Variants in ACSL1 observed in about 807,000 individuals in gnomAD.
ACSL1 encodes long-chain-fatty-acid--CoA ligase 1.
A neutral mutation model predicts 98.4 loss-of-function variants in ACSL1; 41 were observed. That is an observed-to-expected ratio of 0.42 (90% CI 0.32 to 0.54). The LOEUF (loss-of-function observed/expected upper bound fraction) is 0.54. Ranked by LOEUF, ACSL1 falls within the 20% of genes least tolerant of loss-of-function variation. The pLI is 0.13. For missense variants in ACSL1, 734 were observed against 883.1 expected (o/e 0.83, Z 2.14); for synonymous variants, 316 against 322.7 (o/e 0.98, Z 0.22).
intron 2 of ACSL1, among the ~76,000 whole-genome samples, chr4:184,793,309 A>G (rs1217548899): frequency 3.9e-5 from 6 of 151,930 alleles, no homozygotes; most frequent in Admixed American, 3.3e-4. Flanking sequence ...CAGTCTCCCC[A>G]CAAGGGCTGA....
intron 1 of ACSL1, chr4:184,821,364 C>T (rs1010083051): frequency 4.1e-5 from 11 of 268,690 alleles, no homozygotes; most frequent in Non-Finnish European, 6.9e-5. Context: ...GGGGAAAGTG[C>T]CCATTTCTAT....
In ACSL1 at chr4:184,773,149, G is replaced by A; in HGVS notation, c.847C>T (p.Pro283Ser). The A allele has an allele frequency of 6.2e-7, 1 of 1,613,514 alleles. No homozygotes were observed. The highest frequency in any genetic ancestry group is 8.5e-7 in the Non-Finnish European group (1 of 1,179,486). The change falls in exon 10 of 21, where the codon CCC (proline) becomes TCC (serine). Residue 283 changes from proline (P) to serine (S), a missense_variant. Transcript: ENST00000281455. The surrounding 1 kb of genome is among the most constrained non-coding windows in gnomAD (Gnocchi z 4.3). Reference protein sequence around the residue: ...ICFTSGTTGNPKGAMVTHRNI... With the variant: ...ICFTSGTTGNSKGAMVTHRNI... ...CGGTGAGTGACCATTGCTCCTTTGG[G>A]GTTGCCTGTGGAGCACATATGAAGC...
chr4:184,786,610 G>A (rs569211030), intron 3 of ACSL1, among the ~76,000 whole-genome samples: 1 of 152,060 alleles, frequency 6.6e-6, no homozygotes, highest in East Asian at 1.9e-4. Flanking sequence ...CTTAATGCAC[G>A]TGCTATGGGA....
chr4:184,799,869 C>T (rs1770165800), intron 2 of ACSL1, among the ~76,000 whole-genome samples: 1 of 152,074 alleles, frequency 6.6e-6, no homozygotes, highest in Non-Finnish European at 1.5e-5. Context: ...AACAAACAAA[C>T]AAGCCTGCTC....
Position 184,765,832 on chromosome 4 carries a change from G to A in ACSL1, c.1359+59C>T. 4 of 1,472,454 alleles carry A rather than the reference G, an allele frequency of 2.7e-6. No individual in the cohort carries two copies. In the Admixed American group the frequency reaches 5.4e-5, roughly 20 times the overall value. The allele number at this position is 1,472,454 out of a possible 1,614,324, so 91.2% of individuals were successfully genotyped here. ...ACACACAGTACAGATGACTTTTGGT[G>A]CAGAAGAGGACTGGGCATCCTAGTG... On this transcript the variant is annotated intron_variant, in intron 14 of 20. Transcript: ENST00000281455.
chr4:184,768,315 C>T lies in ACSL1; in HGVS notation c.1128+1G>A. On this transcript the variant is annotated splice_donor_variant, in intron 12 of 20. Transcript: ENST00000281455. LOFTEE classifies it high-confidence loss of function. ...CTGGGACTTCGCTGCTTGGAACTTA[C>T]TCGGTCAAACATCCGGTTCAGCAGT... 1 of 1,611,304 alleles carries T rather than the reference C, an allele frequency of 6.2e-7. No individual in the cohort carries two copies. Among genetic ancestry groups the T allele is most frequent in the Non-Finnish European group, 8.5e-7 (1 of 1,179,358 alleles).
At chr4:184,762,630 A>C (rs1763020309) in intron 16 of ACSL1, 107 bp from the exon 17 acceptor site, 1 of 975,934 alleles carries the variant, frequency 1.0e-6, no homozygotes. Flanking sequence ...TTTAGCTGGA[A>C]GCCCTAAACT....
At position 184,757,905 on chromosome 4, in the gene ACSL1, T is replaced by C; in HGVS notation, c.1798A>G (p.Ile600Val). The change falls in exon 19 of 21, where the codon ATT (isoleucine) becomes GTT (valine). Residue 600 changes from isoleucine (I) to valine (V), a missense_variant. Coordinates refer to ENST00000281455, the MANE Select transcript of ACSL1 (RefSeq NM_001995.5). The surrounding 1 kb of genome is among the most constrained non-coding windows in gnomAD (Gnocchi z 4.5). Reference sequence around the variant, plus strand: ...AATGTCTCAACATCTGGTACCACAATTGCAATGAGAAATGCCTTTAACACA... The same window carrying C: ...AATGTCTCAACATCTGGTACCACAACTGCAATGAGAAATGCCTTTAACACA... ...GESLQAFLIA[I>V]VVPDVETLCS... The C allele has an allele frequency of 2.5e-6, 4 of 1,614,126 alleles. No individual in the cohort carries two copies. Among genetic ancestry groups the C allele is most frequent in the Admixed American group, 3.3e-5 (2 of 60,024 alleles).
rs962836439 is a variant in ACSL1 at position 184,819,349 on chromosome 4, T to C, written c.-33+6567A>G. On this transcript the variant is annotated intron_variant, in intron 1 of 20. Transcript: ENST00000281455. ...GCAGAGACAGGGTTTCACCATGTTG[T>C]CCAGGCTGGTCTCGAACTCCTGACC... Among the ~76,000 whole-genome samples, 8 of 151,936 alleles carry C rather than the reference T, an allele frequency of 5.3e-5. No individual in the cohort carries two copies. The East Asian group carries it at 1.2e-3, about 22-fold the overall frequency.
At chr4:184,772,134 G>T (rs571161646) in intron 10 of ACSL1, among the ~76,000 whole-genome samples, 2 of 152,274 alleles carry the variant, frequency 1.3e-5, no homozygotes, top group South Asian at 2.1e-4. Flanking sequence ...AGCCACCAAT[G>T]CATTTTAAGT....
intron 2 of ACSL1, among the ~76,000 whole-genome samples, chr4:184,791,869 A>G (rs1173603850): frequency 1.3e-5 from 2 of 152,100 alleles, no homozygotes; most frequent in African/African-American, 4.8e-5. Flanking sequence ...AATCAAATAG[A>G]AGACTGGGTA....
At chr4:184,801,312 C>T (rs1034595448) in intron 2 of ACSL1, among the ~76,000 whole-genome samples, 1 of 152,146 alleles carries the variant, frequency 6.6e-6, no homozygotes, top group African/African-American at 2.4e-5. Context: ...TTTTAGTATC[C>T]GTGTAAACTT....
rs1449161209 is a variant in ACSL1, at chr4:184,773,208, G to A, written c.842-54C>T. 19 of 1,526,440 alleles carry A rather than the reference G, an allele frequency of 1.2e-5. No homozygotes were observed. The highest frequency in any genetic ancestry group is 6.8e-5 in the African/African-American group (5 of 73,024). The allele number at this position is 1,526,440 out of a possible 1,614,324, so 94.6% of individuals were successfully genotyped here. ...GTTAAAGAATGACAGAAATGAAGGA[G>A]GCCCAGAAACCTCACATAATTAGGG... On this transcript the variant is annotated intron_variant, in intron 9 of 20. Coordinates refer to ENST00000281455, the MANE Select transcript of ACSL1 (RefSeq NM_001995.5). This position sits in a 1 kb window ranked among gnomAD's most constrained non-coding sequence, Gnocchi z 4.3.
intron 14 of ACSL1, 83 bp downstream of exon 14, chr4:184,765,808 C>G: frequency 8.5e-7 from 1 of 1,178,798 alleles, no homozygotes; most frequent in Non-Finnish European, 1.2e-6. Flanking sequence ...CACACACACA[C>G]ACACAGTACA....
At chr4:184,822,841 C>G (rs1375707196) in intron 1 of ACSL1, among the ~76,000 whole-genome samples, 1 of 152,132 alleles carries the variant, frequency 6.6e-6, no homozygotes, top group Non-Finnish European at 1.5e-5. Flanking sequence ...ATATACAACC[C>G]AAGGCTTGCC....
intron 1 of ACSL1, among the ~76,000 whole-genome samples, chr4:184,810,317 G>C (rs772836002): frequency 6.6e-6 from 1 of 152,198 alleles, no homozygotes; most frequent in African/African-American, 2.4e-5. Flanking sequence ...CTCTCTCCCC[G>C]AGGCTGTTCC....
Position 184,797,792 on chromosome 4 carries a change from T to C in ACSL1, c.195+5528A>G, listed in dbSNP as rs1769705230. On this transcript the variant is annotated intron_variant, in intron 2 of 20. Coordinates refer to ENST00000281455, the MANE Select transcript of ACSL1 (RefSeq NM_001995.5). ...TACTTCCTGCTGGCCTGGAGCTCCC[T>C]GAGGGCAGCAGCCTTCTCTGCCCTG... Among the ~76,000 whole-genome samples, 5 of 152,286 alleles carry C rather than the reference T, an allele frequency of 3.3e-5. No homozygotes were observed. In the South Asian group the frequency reaches 1.0e-3, roughly 32 times the overall value.
At chr4:184,805,902 G>A (rs1007446387) in intron 1 of ACSL1, 2 of 152,158 alleles carry the variant, frequency 1.3e-5, no homozygotes, top group African/African-American at 2.4e-5. Context: ...AAGAGACAAC[G>A]GGCATATATT....
At chr4:184,801,424 A>G (rs1191805737) in intron 2 of ACSL1, among the ~76,000 whole-genome samples, 1 of 152,204 alleles carries the variant, frequency 6.6e-6, no homozygotes, top group Non-Finnish European at 1.5e-5. Context: ...AAGTAGGAAC[A>G]CAGCAACAAT....
Sources: gnomAD v4.1 joint callset for allele counts (sites outside exome capture counted in the v4.1 genomes callset) on GRCh38, gnomAD v4.1.1 for gene constraint, Gnocchi (gnomAD v3.1) non-coding constraint, MANE v1.5 for transcripts, NCBI Gene and HGNC (gene_info 2026-07-23, HGNC 2026-07-21) for gene names.